Variants in KLF16 observed in about 807,000 individuals in gnomAD.
KLF16 encodes KLF transcription factor 16.
In KLF16, 6 loss-of-function variants were observed where a neutral mutation model predicts 6.1. The ratio of observed to expected loss-of-function variants is 0.98; its 90% confidence interval spans 0.54 to 1.93. The LOEUF (loss-of-function observed/expected upper bound fraction) is 1.93, where lower values mean the gene tolerates loss of function less well. Among genes scored for constraint, KLF16 ranks in the 30% most tolerant of loss-of-function variants. The probability of loss-of-function intolerance (pLI) is 0.01; values close to 1 mark genes in which losing one functional copy is unlikely to be tolerated. For synonymous variants in KLF16, 211 were observed against 176.5 expected, an observed-to-expected ratio of 1.20 and a Z score of -1.55; for missense variants, 355 against 363.8, an observed-to-expected ratio of 0.98 and a Z score of 0.20.
chr19:1,854,517 C>A lies in KLF16; in HGVS notation c.701G>T (p.Ser234Ile). The change falls in exon 2 of 2, where the codon AGC becomes ATC. Residue 234 changes from serine (S) to isoleucine (I), a missense_variant. Coordinates refer to ENST00000250916, the MANE Select transcript of KLF16 (RefSeq NM_031918.4). ...STSPSDSLPC[S>I]LAGSPAPSPA... ...GCTGGGCGCAGGGCTCCCGGCCAGGCTGCAGGGCAGCGAGTCGCTGGGGGA... is the reference window on the plus strand; with the variant it reads ...GCTGGGCGCAGGGCTCCCGGCCAGGATGCAGGGCAGCGAGTCGCTGGGGGA... The A allele has an allele frequency of 6.7e-7, 1 of 1,503,404 alleles. No individual in the cohort carries two copies. Among genetic ancestry groups the A allele is most frequent in the Non-Finnish European group, 8.8e-7 (1 of 1,135,024 alleles). 93.1% of individuals were successfully genotyped at this position (1,503,404 alleles called of 1,614,324 possible).
chr19:1,870,106 AT>A, the KLF16 span, among the ~76,000 whole-genome samples: 1 of 148,984 alleles, frequency 6.7e-6, no homozygotes, highest in South Asian at 2.1e-4. Context: ...CTAATTTTGT[AT>A]TTTTAGTAGA....
chr19:1,864,809 G>T (rs2012158356), upstream of KLF16, among the ~76,000 whole-genome samples: 1 of 152,226 alleles, frequency 6.6e-6, no homozygotes, highest in Admixed American at 6.5e-5. Context: ...GCCCAAGGCG[G>T]CGGGGGCACA....
Position 1,856,174 on chromosome 19 carries a change from G to C in KLF16, c.458-1414C>G, listed in dbSNP as rs183553657. ...GGACCCACAGCAGGGACCATGGTGA[G>C]GGGTACAGAGACGGCGGGAGGGGCA... On this transcript the variant is annotated intron_variant, in intron 1 of 1. Coordinates refer to ENST00000250916, the MANE Select transcript of KLF16 (RefSeq NM_031918.4). 1.5e-4 allele frequency among the ~76,000 whole-genome samples: 23 copies of C among 152,290 alleles called. No homozygotes were observed. In the East Asian group the frequency reaches 4.1e-3, roughly 27 times the overall value.
At chr19:1,871,768 G>A in the KLF16 span, among the ~76,000 whole-genome samples, 49 of 152,182 alleles carry the variant, frequency 3.2e-4, no homozygotes, top group African/African-American at 1.1e-3. Context: ...AGGACACAGC[G>A]AGGTCACCCT....
upstream of KLF16, among the ~76,000 whole-genome samples, chr19:1,866,775 CAAAAAAAAAA>C (rs10672007): frequency 6.2e-3 from 536 of 86,826 alleles, 7 homozygotes; most frequent in South Asian, 0.017. Flanking sequence ...GACCCTGTCT[CAAAAAAAAAA>C]AAAAAAAAAG....
At position 1,852,808 on chromosome 19, in the gene KLF16, G is replaced by C. The variant is rs902513588; in HGVS notation, c.*1651C>G. 6 of 152,166 alleles carry C rather than the reference G, an allele frequency of 3.9e-5. No homozygotes were observed. Among genetic ancestry groups the C allele is most frequent in the African/African-American group, 1.5e-4 (6 of 41,372 alleles). 9.4% of individuals were successfully genotyped at this position (152,166 alleles called of 1,614,324 possible). ...AGAGAACACAGAGAGCCGAGGGCTG[G>C]ATGGGGCAGGACCCTCCGAGCCCAG... On this transcript the variant is annotated 3_prime_UTR_variant, in exon 2 of 2. Coordinates refer to ENST00000250916, the MANE Select transcript of KLF16 (RefSeq NM_031918.4).
chr19:1,866,943 T>A (rs940391317), upstream of KLF16, among the ~76,000 whole-genome samples: 1 of 152,086 alleles, frequency 6.6e-6, no homozygotes, highest in Non-Finnish European at 1.5e-5. Flanking sequence ...TCCTCACCTA[T>A]AAATGGGGGC....
At chr19:1,869,930 CTTTTTTTTTTT>C in the KLF16 span, among the ~76,000 whole-genome samples, 2 of 109,752 alleles carry the variant, frequency 1.8e-5, no homozygotes, top group Admixed American at 1.0e-4. Flanking sequence ...AATACTTTTT[CTTTTTTTTTTT>C]TTTTTTTTTT....
chr19:1,872,801 C>T, the KLF16 span, among the ~76,000 whole-genome samples: 7 of 152,014 alleles, frequency 4.6e-5, no homozygotes, highest in African/African-American at 1.7e-4. Context: ...CCCAGCAGCC[C>T]AGAATCGTTG....
At chr19:1,866,171 G>A (rs2012185485), upstream of KLF16, among the ~76,000 whole-genome samples, 1 of 152,024 alleles carries the variant, frequency 6.6e-6, no homozygotes, top group Non-Finnish European at 1.5e-5. Context: ...AGCCGGGCCA[G>A]GTGGTGGGCA....
rs182176520 is a variant in KLF16, at chr19:1,855,614, G to A, written c.458-854C>T. 4.3e-4 allele frequency among the ~76,000 whole-genome samples: 66 copies of A among 152,368 alleles called. No individual in the cohort carries two copies. The East Asian group carries it at 0.012, about 27-fold the overall frequency. On this transcript the variant is annotated intron_variant, in intron 1 of 1. Transcript: ENST00000250916. ...CGTCACCATCTGGGCCTGCCTGTGCGCCTCCAGGCGGTGTGGGTCTTTGCT... is the reference window on the plus strand; with the variant it reads ...CGTCACCATCTGGGCCTGCCTGTGCACCTCCAGGCGGTGTGGGTCTTTGCT...
chr19:1,856,376 T>C (rs2011949995), intron 1 of KLF16, among the ~76,000 whole-genome samples: 1 of 152,102 alleles, frequency 6.6e-6, no homozygotes, highest in Admixed American at 6.5e-5. Context: ...CATCTCATCC[T>C]TCCTCCCTGC....
chr19:1,860,681 G>T (rs2012046825), intron 1 of KLF16, among the ~76,000 whole-genome samples: 2 of 152,226 alleles, frequency 1.3e-5, no homozygotes, highest in South Asian at 2.1e-4. Flanking sequence ...CCAAAAAAAC[G>T]CATGGCCTTC....
At chr19:1,859,953 C>T (rs1171104016) in intron 1 of KLF16, among the ~76,000 whole-genome samples, 1 of 152,068 alleles carries the variant, frequency 6.6e-6, no homozygotes, top group Non-Finnish European at 1.5e-5. Context: ...CCCAGGACAG[C>T]CCCTCCCCAG....
the KLF16 span, among the ~76,000 whole-genome samples, chr19:1,873,192 C>G: frequency 1.3e-5 from 2 of 152,196 alleles, no homozygotes; most frequent in Non-Finnish European, 2.9e-5. Flanking sequence ...ATTAATGGGA[C>G]GACGGATGAA....
the KLF16 span, among the ~76,000 whole-genome samples, chr19:1,874,120 G>A: frequency 3.7e-4 from 57 of 152,342 alleles, no homozygotes; most frequent in African/African-American, 1.3e-3. Context: ...ATTTTAAGAT[G>A]AGAATTTTAT....
chr19:1,870,999 A>G, the KLF16 span, among the ~76,000 whole-genome samples: 1 of 152,236 alleles, frequency 6.6e-6, no homozygotes, highest in African/African-American at 2.4e-5. Flanking sequence ...CTGTCTCAAA[A>G]AAAAGAAAAA....
At chr19:1,859,420 C>G (rs185138903) in intron 1 of KLF16, among the ~76,000 whole-genome samples, 2 of 152,158 alleles carry the variant, frequency 1.3e-5, no homozygotes, top group Admixed American at 1.3e-4. Context: ...CTGCCCTCCT[C>G]AACCCCTCTC....
chr19:1,860,680 C>A (rs2012046779), intron 1 of KLF16, among the ~76,000 whole-genome samples: 1 of 152,214 alleles, frequency 6.6e-6, no homozygotes, highest in South Asian at 2.1e-4. Flanking sequence ...CCCAAAAAAA[C>A]GCATGGCCTT....
Sources: allele counts gnomAD v4.1 joint callset (sites outside exome capture counted in the v4.1 genomes callset), GRCh38; gene constraint gnomAD v4.1.1; transcripts MANE v1.5; gene names NCBI Gene and HGNC (gene_info 2026-07-23, HGNC 2026-07-21).